ECM1: variants seen among roughly 807,000 people sequenced by gnomAD.
ECM1 encodes the protein secretory component p85.
A neutral mutation model predicts 57.9 loss-of-function variants in ECM1; 54 were observed. That is an observed-to-expected ratio of 0.93 (90% confidence interval 0.75 to 1.17). ECM1 has a LOEUF of 1.17. Ranked by LOEUF, ECM1 falls within the 50% of genes most tolerant of loss-of-function variation. The pLI, the probability that ECM1 is intolerant of heterozygous loss-of-function variation, is 0.00. For missense variants in ECM1, 649 were observed against 688.1 expected, an observed-to-expected ratio of 0.94 and a Z score of 0.64; for synonymous variants, 237 against 259.1, an observed-to-expected ratio of 0.91 and a Z score of 0.82.
rs1434552816 is a variant in ECM1 at position 150,508,166 on chromosome 1, TGA to T, written c.-40_-39del. On this transcript the variant is annotated 5_prime_UTR_variant, in exon 1 of 10. Coordinates refer to ENST00000369047, the MANE Select transcript of ECM1 (RefSeq NM_004425.4). ...CCGGCCCTTCACATCCAGACTTGCC[TGA>T]GAGGACCCACCTCTGAGTGTCCAGT... 1 of 1,604,062 alleles carries T rather than the reference TGA, an allele frequency of 6.2e-7. No individual in the cohort carries two copies. Among genetic ancestry groups the T allele is most frequent in the Non-Finnish European group, 8.5e-7 (1 of 1,171,382 alleles).
chr1:150,509,256 C>A (rs79438522), intron 1 of ECM1: 2 of 544,818 alleles, frequency 3.7e-6, no homozygotes, highest in African/African-American at 1.9e-5. Context: ...CCTCCCTCCC[C>A]AATCCCGTAT....
At chr1:150,510,584 C>T in intron 5 of ECM1, 1 of 565,360 alleles carries the variant, frequency 1.8e-6, no homozygotes, top group Non-Finnish European at 3.2e-6. Flanking sequence ...CAGCTTTGGT[C>T]TGTCCATCCT....
Position 150,512,386 on chromosome 1 carries a change from A to G in ECM1, c.1118A>G (p.Glu373Gly), listed in dbSNP as rs1259341323. 18 of 1,613,100 alleles carry G rather than the reference A, an allele frequency of 1.1e-5. No individual in the cohort carries two copies. The highest frequency in any genetic ancestry group is 1.5e-5 in the Non-Finnish European group (18 of 1,179,860). The change falls in exon 8 of 10, where the codon GAG (glutamate) becomes GGG (glycine). Residue 373 changes from glutamate (E) to glycine (G), a missense_variant. By Grantham distance (98) the Glu-to-Gly change is moderately conservative (BLOSUM62 -2). Coordinates refer to ENST00000369047, the MANE Select transcript of ECM1 (RefSeq NM_004425.4). The stretch of plus-strand genomic sequence containing the variant: ...ACCCTTGACAAATACTGTGACCGGG[A>G]GTATGCTGTGAAGACCCACCACCAC... Reference protein sequence around the residue: ...EDTLDKYCDREYAVKTHHHLC... With the variant: ...EDTLDKYCDRGYAVKTHHHLC...
At chr1:150,511,923 C>T in intron 7 of ECM1, 92 bp downstream of exon 7, 4 of 1,483,502 alleles carry the variant, frequency 2.7e-6, no homozygotes, top group Non-Finnish European at 3.6e-6. Context: ...CCATGTACCC[C>T]CCCTGCTGTG....
rs753794486 is a variant in ECM1, at chr1:150,510,887, C to T, written c.397C>T (p.Pro133Ser). 1.9e-6 allele frequency: 3 copies of T among 1,614,140 alleles called. No homozygotes were observed. In the South Asian group the frequency reaches 3.3e-5, roughly 18 times the overall value. ...TTTCCCCATTCCAGGAACGCCAGCT[C>T]CATTTGGGGACCAGAGCCATCCAGA... ...PNEQKEGTPA[P>S]FGDQSHPEPE... The change falls in exon 6 of 10, where the codon CCA (proline) becomes TCA (serine). Residue 133 changes from proline (P) to serine (S), a missense_variant. Transcript: ENST00000369047.
rs779354859 is a variant in ECM1 at position 150,511,180 on chromosome 1, A to C, written c.690A>C (p.Leu230=). 1 of 1,614,160 alleles carries C rather than the reference A, an allele frequency of 6.2e-7. No homozygotes were observed. Among genetic ancestry groups the C allele is most frequent in the Non-Finnish European group, 8.5e-7 (1 of 1,180,012 alleles). The change falls in exon 6 of 10, where the codon CTA becomes CTC. Residue 230 remains leucine, a synonymous_variant. Transcript: ENST00000369047. ...ACTGCCGCAGCCACACAAACCGCCT[A>C]GAGTGTGCCAAACTTGTGGTAAGGT... The part of the protein sequence containing the change: ...CCHCRSHTNR[L]ECAKLVWEEA...
intron 1 of ECM1, 85 bp from the exon 2 acceptor site, chr1:150,509,446 C>G: frequency 5.4e-6 from 8 of 1,474,654 alleles, no homozygotes; most frequent in Non-Finnish European, 7.6e-6. Context: ...GTCCTACACT[C>G]TTGATCTCCA....
In ECM1 at chr1:150,509,650, C is replaced by T. The variant is rs778796452; in HGVS notation, c.122-11C>T. The T allele has an allele frequency of 1.9e-6, 3 of 1,613,886 alleles. No individual in the cohort carries two copies. Among genetic ancestry groups the T allele is most frequent in the Non-Finnish European group, 2.5e-6 (3 of 1,179,832 alleles). On this transcript the variant is annotated splice_polypyrimidine_tract_variant and intron_variant, in intron 2 of 9. Coordinates refer to ENST00000369047, the MANE Select transcript of ECM1 (RefSeq NM_004425.4). ...CACTGTGGGCTCTGATGTCTCCCCT[C>T]TTGCTTCTAGTTGGCTACGCAGCTC...
chr1:150,510,371 T>G, intron 5 of ECM1, 189 bp downstream of exon 5: 1 of 628,280 alleles, frequency 1.6e-6, no homozygotes, highest in Non-Finnish European at 2.8e-6. Context: ...TAGAAAGTTA[T>G]GTGATTAGAT....
intron 1 of ECM1, 133 bp from the exon 2 acceptor site, chr1:150,509,398 A>G: frequency 1.1e-6 from 1 of 905,576 alleles, no homozygotes. Flanking sequence ...GACACGGGGC[A>G]GGTGAATACA....
At position 150,513,364 on chromosome 1, in the gene ECM1, T is replaced by C. The variant is rs2101443063; in HGVS notation, c.1520T>C (p.Val507Ala). Residue 507 changes from valine to alanine, a missense_variant, in exon 10 of 10, where the codon GTG becomes GCG. Physicochemically the swap from Val to Ala is moderately conservative, Grantham distance 64. Coordinates refer to ENST00000369047, the MANE Select transcript of ECM1 (RefSeq NM_004425.4). Reference sequence around the variant, plus strand: ...TTCAACATCAATTATCTGAGGAACGTGGCTCTAGTGTCTGGAGACACTGAG... The same window carrying C: ...TTCAACATCAATTATCTGAGGAACGCGGCTCTAGTGTCTGGAGACACTGAG... ...NCFNINYLRN[V>A]ALVSGDTENA... 1 of 1,614,242 alleles carries C rather than the reference T, an allele frequency of 6.2e-7. No individual in the cohort carries two copies. Among genetic ancestry groups the C allele is most frequent in the East Asian group, 2.2e-5 (1 of 44,890 alleles).
rs972234346 is a variant in ECM1, at chr1:150,513,441, T to C, written c.1597T>C (p.Ser533Pro). The C allele has an allele frequency of 1.2e-6, 2 of 1,613,422 alleles. No homozygotes were observed. The highest frequency in any genetic ancestry group is 2.7e-5 in the African/African-American group (2 of 74,884). ...CTCAACTGGAGGAACAAATATCAGC[T>C]CCACCTCTGAGCCCAAGGAAGAATG... ...QGSTGGTNIS[S>P]TSEPKEE is the part of the protein sequence containing the mutation. Residue 533 changes from serine (S) to proline (P), a missense_variant, in exon 10 of 10, where the codon TCC becomes CCC. By Grantham distance (74) the Ser-to-Pro change is moderately conservative. Coordinates refer to ENST00000369047, the MANE Select transcript of ECM1 (RefSeq NM_004425.4).
At chr1:150,512,986 T>C (rs965427181) in intron 9 of ECM1, among the ~76,000 whole-genome samples, 174 bp downstream of exon 9, 1 of 152,166 alleles carries the variant, frequency 6.6e-6, no homozygotes, top group Non-Finnish European at 1.5e-5. Context: ...CCTGGCCTGC[T>C]CCCCATCTCT....
At chr1:150,511,962 G>T in intron 7 of ECM1, 131 bp downstream of exon 7, 1 of 1,268,654 alleles carries the variant, frequency 7.9e-7, no homozygotes, top group Non-Finnish European at 1.1e-6. Context: ...TCTGCTTGTG[G>T]CTGTCCGTCC....
intron 1 of ECM1, 88 bp from the exon 2 acceptor site, chr1:150,509,443 A>ACT (rs1342465340): frequency 2.8e-6 from 4 of 1,441,898 alleles, no homozygotes; most frequent in Non-Finnish European, 3.9e-6. Context: ...TCTGTCCTAC[A>ACT]CTCTTGATCT....
rs41264471 is a variant in ECM1, at chr1:150,510,995, C to G, written c.505C>G (p.Pro169Ala). 117 of 1,614,208 alleles carry G rather than the reference C, an allele frequency of 7.2e-5. No individual in the cohort carries two copies. The highest frequency in any genetic ancestry group is 2.3e-4 in the African/African-American group (17 of 75,052). ...GWGHRLDGFP[P>A]GRPSPDNLNQ... ...GGGCCACCGGCTGGATGGCTTCCCCCCTGGGCGGCCTTCTCCAGACAATCT... is the reference window on the plus strand; with the variant it reads ...GGGCCACCGGCTGGATGGCTTCCCCGCTGGGCGGCCTTCTCCAGACAATCT... Residue 169 changes from proline to alanine, a missense_variant, in exon 6 of 10, where the codon CCT (proline) becomes GCT (alanine). Physicochemically the swap from Pro to Ala is conservative, Grantham distance 27. Coordinates refer to ENST00000369047, the MANE Select transcript of ECM1 (RefSeq NM_004425.4).
At position 150,512,515 on chromosome 1, in the gene ECM1, G is replaced by T; in HGVS notation, c.1247G>T (p.Arg416Leu). Residue 416 changes from arginine to leucine, a missense_variant, in exon 8 of 10, where the codon CGA (arginine) becomes CTA (leucine). Coordinates refer to ENST00000369047, the MANE Select transcript of ECM1 (RefSeq NM_004425.4). The stretch of plus-strand genomic sequence containing the variant: ...GACATCTTGACCATTGACATCGGTC[G>T]AGTCACCCCCAACCTCATGGGCCAC... The part of the protein sequence containing the change: ...DRDILTIDIG[R>L]VTPNLMGHLC... The T allele has an allele frequency of 6.2e-7, 1 of 1,613,682 alleles. No individual in the cohort carries two copies. The highest frequency in any genetic ancestry group is 8.5e-7 in the Non-Finnish European group (1 of 1,179,968).
At chr1:150,512,054 C>T (rs1335987065) in intron 7 of ECM1, among the ~76,000 whole-genome samples, 7 of 151,354 alleles carry the variant, frequency 4.6e-5, no homozygotes, top group African/African-American at 1.5e-4. Flanking sequence ...GATCCACACA[C>T]GCATCTGTCT....
At position 150,511,445 on chromosome 1, in the gene ECM1, C is replaced by G. The variant is rs1365612241; in HGVS notation, c.709-12C>G. The G allele has an allele frequency of 1.2e-6, 2 of 1,614,114 alleles. No homozygotes were observed. The highest frequency in any genetic ancestry group is 1.1e-5 in the South Asian group (1 of 91,076). On this transcript the variant is annotated splice_polypyrimidine_tract_variant and intron_variant, in intron 6 of 9. Transcript: ENST00000369047. ...ATGTGGAAAGTGGGCTGATCCTCCC[C>G]TCTTGCTCTAGTGGGAGGAAGCAAT...
Sources: gnomAD v4.1 joint callset for allele counts (sites outside exome capture counted in the v4.1 genomes callset) on GRCh38, gnomAD v4.1.1 for gene constraint, MANE v1.5 for transcripts, NCBI Gene and HGNC (gene_info 2026-07-23, HGNC 2026-07-21) for gene names.